TFCP2: variants seen among roughly 807,000 people sequenced by gnomAD.
TFCP2 encodes the protein transcription factor CP2.
In TFCP2, 33 loss-of-function variants were observed where a neutral mutation model predicts 73.4. The ratio of observed to expected loss-of-function variants is 0.45; its 90% CI spans 0.34 to 0.60. The LOEUF is 0.60. TFCP2 is among the 20% of genes least tolerant of loss of function. The probability of loss-of-function intolerance (pLI) is 0.01; values close to 1 mark genes in which losing one functional copy is unlikely to be tolerated. For synonymous variants in TFCP2, 193 were observed against 211.6 expected (o/e 0.91, Z 0.76); for missense variants, 352 against 604.0 (o/e 0.58, Z 4.37).
At chr12:51,130,211 C>T (rs866626935) in intron 1 of TFCP2, among the ~76,000 whole-genome samples, 2 of 152,170 alleles carry the variant, frequency 1.3e-5, no homozygotes, top group Non-Finnish European at 2.9e-5. Context: ...GTGGCTCACG[C>T]CTATAATCCC....
At chr12:51,145,074 G>A (rs1182196126) in intron 1 of TFCP2, among the ~76,000 whole-genome samples, 7 of 151,892 alleles carry the variant, frequency 4.6e-5, no homozygotes, top group African/African-American at 9.7e-5. Flanking sequence ...GGTGGTGGGC[G>A]CCTGTATTCC....
intron 1 of TFCP2, among the ~76,000 whole-genome samples, chr12:51,164,469 C>T (rs2137047824): frequency 6.6e-6 from 1 of 151,766 alleles, no homozygotes; most frequent in Middle Eastern, 3.4e-3. Context: ...CGGTGGCAGG[C>T]ACCTGTAATC....
At chr12:51,153,489 A>G (rs1364786218) in intron 1 of TFCP2, among the ~76,000 whole-genome samples, 1 of 152,096 alleles carries the variant, frequency 6.6e-6, no homozygotes, top group African/African-American at 2.4e-5. Context: ...GCTATTAAGT[A>G]CGTTCACCAC....
At chr12:51,105,826 C>A (rs1245087515) in intron 8 of TFCP2, among the ~76,000 whole-genome samples, 1 of 152,144 alleles carries the variant, frequency 6.6e-6, no homozygotes, top group Non-Finnish European at 1.5e-5. Context: ...ACAAACATTG[C>A]AACCAAACAA....
intron 4 of TFCP2, among the ~76,000 whole-genome samples, chr12:51,115,015 C>T (rs1055051225): frequency 4.7e-5 from 6 of 126,702 alleles, no homozygotes; most frequent in Non-Finnish European, 9.5e-5. Context: ...GAGTTGATAT[C>T]GCGCCATTGC....
intron 1 of TFCP2, among the ~76,000 whole-genome samples, chr12:51,140,365 A>C (rs1431716191): frequency 6.7e-6 from 1 of 149,080 alleles, no homozygotes; most frequent in Non-Finnish European, 1.5e-5. Flanking sequence ...GTAATTCAAC[A>C]CCAGCCTGAG....
At chr12:51,111,882 C>T (rs1042872671) in intron 4 of TFCP2, among the ~76,000 whole-genome samples, 2 of 150,746 alleles carry the variant, frequency 1.3e-5, no homozygotes, top group African/African-American at 4.9e-5. Flanking sequence ...TTAGGCCAGG[C>T]GTGGTGGCTT....
intron 3 of TFCP2, among the ~76,000 whole-genome samples, chr12:51,116,708 C>A (rs745832477): frequency 6.7e-6 from 1 of 149,180 alleles, no homozygotes; most frequent in Non-Finnish European, 1.5e-5. Flanking sequence ...ACCTCCACCT[C>A]CCGGGTTCAA....
At chr12:51,095,770 T>C (rs1365971417) in intron 14 of TFCP2, among the ~76,000 whole-genome samples, 1 of 133,152 alleles carries the variant, frequency 7.5e-6, no homozygotes, top group Non-Finnish European at 1.5e-5. Flanking sequence ...GCCGAGATCA[T>C]GCCACTGCAC....
intron 1 of TFCP2, among the ~76,000 whole-genome samples, chr12:51,166,967 A>T (rs1440270985): frequency 6.6e-6 from 1 of 152,190 alleles, no homozygotes; most frequent in Non-Finnish European, 1.5e-5. Context: ...CATTCCCACT[A>T]GTAGTCCCTC....
chr12:51,132,405 A>G (rs1205236697), intron 1 of TFCP2, among the ~76,000 whole-genome samples: 3 of 110,896 alleles, frequency 2.7e-5, no homozygotes, highest in South Asian at 3.0e-4. Context: ...GTCTCGCTCT[A>G]TCACCCAGGC....
At chr12:51,123,374 C>T (rs1328949699) in intron 1 of TFCP2, among the ~76,000 whole-genome samples, 1 of 152,160 alleles carries the variant, frequency 6.6e-6, no homozygotes, top group African/African-American at 2.4e-5. Context: ...TTAAAGGTCA[C>T]TGTAAATATA....
intron 1 of TFCP2, among the ~76,000 whole-genome samples, chr12:51,122,969 G>T (rs1398489151): frequency 6.6e-6 from 1 of 152,144 alleles, no homozygotes; most frequent in Non-Finnish European, 1.5e-5. Flanking sequence ...CAGATTTCAA[G>T]GCAAACAGAA....
At chr12:51,164,259 G>C (rs1941707201) in intron 1 of TFCP2, among the ~76,000 whole-genome samples, 2 of 151,768 alleles carry the variant, frequency 1.3e-5, no homozygotes, top group African/African-American at 4.8e-5. Context: ...AAAAATAGTA[G>C]AATCAACGAA....
At chr12:51,157,875 G>T (rs1272246660) in intron 1 of TFCP2, among the ~76,000 whole-genome samples, 4 of 151,308 alleles carry the variant, frequency 2.6e-5, no homozygotes, top group Non-Finnish European at 5.9e-5. Flanking sequence ...ACAGGATTTT[G>T]CCATGTTGGC....
chr12:51,153,000 A>G (rs1042384547), intron 1 of TFCP2, among the ~76,000 whole-genome samples: 1 of 152,218 alleles, frequency 6.6e-6, no homozygotes, highest in Non-Finnish European at 1.5e-5. Context: ...TTTCGCAGCT[A>G]GCTGAGGGAT....
intron 4 of TFCP2, among the ~76,000 whole-genome samples, chr12:51,112,345 G>A (rs1940422756): frequency 6.6e-6 from 1 of 152,028 alleles, no homozygotes; most frequent in East Asian, 1.9e-4. Context: ...TTAAAATATG[G>A]CAATTTAAAG....
rs142370434 is a variant in TFCP2, at chr12:51,141,666, G to C, written c.123-22894C>G. ...TGTAATCCCAGCACTTTGGGAGGCC[G>C]ATGTGGGCAGATCACTTGAGGCCAG... On this transcript the variant is annotated intron_variant, in intron 1 of 14. Coordinates refer to ENST00000257915, the MANE Select transcript of TFCP2 (RefSeq NM_005653.5). 8.1e-4 allele frequency among the ~76,000 whole-genome samples: 123 copies of C among 151,940 alleles called. 5 individuals are homozygous for C. The highest frequency in any genetic ancestry group is 3.4e-3 in the Middle Eastern group (1 of 292).
In TFCP2 at chr12:51,172,472, G is replaced by A; in HGVS notation, c.-50C>T. 1.2e-6 allele frequency: 2 copies of A among 1,609,644 alleles called. No homozygotes were observed. Among genetic ancestry groups the A allele is most frequent in the Non-Finnish European group, 8.5e-7 (1 of 1,178,442 alleles). On this transcript the variant is annotated 5_prime_UTR_variant, in exon 1 of 15. Transcript: ENST00000257915. ...GACACCGTGTCTTGTACAAAGGCGCGGAGGGTAATTCTACCCAACAGGAGT... is the reference window on the plus strand; with the variant it reads ...GACACCGTGTCTTGTACAAAGGCGCAGAGGGTAATTCTACCCAACAGGAGT...
Sources: allele counts gnomAD v4.1 joint callset (sites outside exome capture counted in the v4.1 genomes callset), GRCh38; gene constraint gnomAD v4.1.1; transcripts MANE v1.5; gene names NCBI Gene and HGNC (gene_info 2026-07-23, HGNC 2026-07-21).